Variants in VPS53 observed in about 807,000 individuals in gnomAD.
VPS53 encodes the protein VPS53 subunit of GARP complex, also known as vacuolar protein sorting-associated protein 53 homolog.
A neutral mutation model predicts 107.0 loss-of-function variants in VPS53; 70 were observed. The observed-to-expected ratio is 0.65, with a 90% CI of 0.54 to 0.80. The LOEUF (loss-of-function observed/expected upper bound fraction) is 0.80, where lower values mean the gene tolerates loss of function less well. Among genes scored for constraint, VPS53 ranks in the 30% least tolerant of loss-of-function variants. VPS53 has a pLI of 0.00. For synonymous variants in VPS53, 409 were observed against 393.3 expected, an observed-to-expected ratio of 1.04 and a Z score of -0.47; for missense variants, 917 against 1,049.4, an observed-to-expected ratio of 0.87 and a Z score of 1.74.
intron 15 of VPS53, among the ~76,000 whole-genome samples, chr17:555,825 T>A (rs1173737146): frequency 6.6e-6 from 1 of 152,154 alleles, no homozygotes; most frequent in Non-Finnish European, 1.5e-5. Flanking sequence ...AACTACCAAT[T>A]TATGGGAAAT....
chr17:661,060 ATCCCTCCTCCCTCCATCCC>A (rs1212424370), intron 5 of VPS53, among the ~76,000 whole-genome samples: 2 of 151,952 alleles, frequency 1.3e-5, no homozygotes, highest in African/African-American at 2.4e-5. Flanking sequence ...GGGCGGGGAC[ATCCCTCCTCCCTCCATCCC>A]TCCCTCCTCC....
chr17:522,890 A>G (rs1908859019), intron 19 of VPS53: 1 of 152,216 alleles, frequency 6.6e-6, no homozygotes, highest in Admixed American at 6.5e-5. Flanking sequence ...CCCATTTTAC[A>G]GATGAGAAAA....
chr17:572,640 G>A (rs1350461919), intron 13 of VPS53, among the ~76,000 whole-genome samples: 2 of 151,772 alleles, frequency 1.3e-5, no homozygotes, highest in Non-Finnish European at 2.9e-5. Flanking sequence ...GTGTCTGTGT[G>A]GAAAGAAGTA....
intron 13 of VPS53, among the ~76,000 whole-genome samples, chr17:566,647 G>A (rs1397216901): frequency 6.6e-6 from 1 of 152,092 alleles, no homozygotes; most frequent in Non-Finnish European, 1.5e-5. Flanking sequence ...ATTCCCCTGG[G>A]GTCTTCTTAT....
chr17:639,349 G>A (rs1970329750), intron 7 of VPS53, among the ~76,000 whole-genome samples: 1 of 152,126 alleles, frequency 6.6e-6, no homozygotes, highest in African/African-American at 2.4e-5. Flanking sequence ...TAGCTTCTTT[G>A]TGATGGGTTC....
chr17:565,335 G>A (rs185830477), intron 13 of VPS53, among the ~76,000 whole-genome samples: 2,372 of 149,068 alleles, frequency 0.016, 27 homozygotes, highest in Middle Eastern at 0.031. Context: ...CCTGGGAGGC[G>A]GAAGTTGCAG....
At chr17:701,502 C>T (rs567165071) in intron 2 of VPS53, among the ~76,000 whole-genome samples, 5 of 150,964 alleles carry the variant, frequency 3.3e-5, no homozygotes, top group East Asian at 4.0e-4. Flanking sequence ...CTCAGCCTCC[C>T]GAGTAGCTGG....
chr17:687,743 CAAAT>C (rs1190308393), intron 4 of VPS53, among the ~76,000 whole-genome samples: 2 of 152,042 alleles, frequency 1.3e-5, no homozygotes, highest in African/African-American at 2.4e-5. Context: ...GTCTCAAAAA[CAAAT>C]AAATAAATAA....
chr17:537,310 G>T, intron 17 of VPS53, 134 bp from the exon 18 acceptor site: 3 of 1,055,506 alleles, frequency 2.8e-6, no homozygotes, highest in Non-Finnish European at 4.0e-6. Flanking sequence ...TTTTGTCCTG[G>T]GGAGTTTCTT....
intron 7 of VPS53, among the ~76,000 whole-genome samples, chr17:638,929 T>C (rs1378611030): frequency 2.6e-5 from 4 of 152,190 alleles, no homozygotes; most frequent in Non-Finnish European, 4.4e-5. Flanking sequence ...ATCTTTGTGG[T>C]GTTCTCTGTA....
In VPS53 at chr17:643,075, C is replaced by A. The variant is rs865919136; in HGVS notation, c.608+10216G>T. 2.5e-3 allele frequency among the ~76,000 whole-genome samples: 200 copies of A among 81,060 alleles called. 1 individual carries two copies. Among genetic ancestry groups the A allele is most frequent in the African/African-American group, 5.5e-3 (100 of 18,208 alleles). The allele number at this position is 81,060 out of a possible 152,430, so 53.2% of individuals were successfully genotyped here. ...AATCAAGGACAACACTCATACTTGG[C>A]AACTGAGGACAACACTCATACTTGG... On this transcript the variant is annotated intron_variant, in intron 7 of 21. Coordinates refer to ENST00000437048, the MANE Select transcript of VPS53 (RefSeq NM_001128159.3).
intron 7 of VPS53, among the ~76,000 whole-genome samples, chr17:643,780 T>G (rs544216585): frequency 1.6e-3 from 218 of 137,322 alleles, no homozygotes; most frequent in Non-Finnish European, 2.9e-3. Context: ...TACTTGGAAA[T>G]CAAGGACAAC....
chr17:588,460 T>A (rs555797082), intron 12 of VPS53, among the ~76,000 whole-genome samples: 82 of 152,098 alleles, frequency 5.4e-4, no homozygotes, highest in Admixed American at 8.5e-4. Context: ...TTTAAAAAAA[T>A]TTTTTTTTAA....
chr17:585,382 C>T (rs1451091622), intron 13 of VPS53, among the ~76,000 whole-genome samples: 1 of 152,222 alleles, frequency 6.6e-6, no homozygotes, highest in Non-Finnish European at 1.5e-5. Context: ...AATGGCTGGG[C>T]AAGGTGGCTC....
intron 17 of VPS53, among the ~76,000 whole-genome samples, chr17:543,598 C>T (rs756921571): frequency 6.6e-6 from 1 of 151,514 alleles, no homozygotes; most frequent in Non-Finnish European, 1.5e-5. Context: ...CTCTATCCTA[C>T]GTACAGGGGC....
chr17:676,994 G>A (rs532676260), intron 4 of VPS53, among the ~76,000 whole-genome samples: 20 of 152,238 alleles, frequency 1.3e-4, no homozygotes, highest in African/African-American at 4.3e-4. Flanking sequence ...TCTATGGAAA[G>A]AATGAATCTA....
At chr17:531,772 TC>T (rs1467984777) in intron 19 of VPS53, among the ~76,000 whole-genome samples, 8 of 116,316 alleles carry the variant, frequency 6.9e-5, no homozygotes, top group Admixed American at 9.5e-5. Flanking sequence ...TGGGATTTAT[TC>T]TTTTTTTTTT....
At chr17:608,692 T>C (rs1968700864) in intron 11 of VPS53, among the ~76,000 whole-genome samples, 1 of 151,400 alleles carries the variant, frequency 6.6e-6, no homozygotes, top group Non-Finnish European at 1.5e-5. Flanking sequence ...CACAGCTCAC[T>C]GCAGTCTTGA....
At chr17:615,012 C>T (rs1029557407) in intron 11 of VPS53, among the ~76,000 whole-genome samples, 1 of 152,254 alleles carries the variant, frequency 6.6e-6, no homozygotes, top group Non-Finnish European at 1.5e-5. Context: ...ATCTAGTCTG[C>T]TTTTCTGCTT....
Sources: gnomAD v4.1 joint callset for allele counts (sites outside exome capture counted in the v4.1 genomes callset) on GRCh38, gnomAD v4.1.1 for gene constraint, MANE v1.5 for transcripts, NCBI Gene and HGNC (gene_info 2026-07-23, HGNC 2026-07-21) for gene names.